The following CMIP variants were observed in gnomAD, a reference collection of about 807,000 sequenced individuals.
The protein encoded by CMIP is C-Maf-inducing protein.
A neutral mutation model predicts 97.3 loss-of-function variants in CMIP; 13 were observed. The observed-to-expected ratio is 0.13, with a 90% CI of 0.09 to 0.21. The LOEUF is 0.21. Ranked by LOEUF, CMIP falls within the 10% of genes least tolerant of loss-of-function variation. The pLI, the probability that CMIP is intolerant of heterozygous loss-of-function variation, is 1.00. For missense variants in CMIP, 847 were observed against 1,024.9 expected (o/e 0.83, Z 2.37); for synonymous variants, 538 against 436.3 (o/e 1.23, Z -2.91).
intron 1 of CMIP, among the ~76,000 whole-genome samples, chr16:81,600,735 T>C (rs2091643722): frequency 6.6e-6 from 1 of 152,238 alleles, no homozygotes; most frequent in Non-Finnish European, 1.5e-5. Flanking sequence ...TGGTTAGTTT[T>C]ACGTTCTGTG....
intron 2 of CMIP, among the ~76,000 whole-genome samples, chr16:81,609,521 G>C (rs538330816): frequency 1.6e-4 from 25 of 152,346 alleles, no homozygotes; most frequent in Admixed American, 1.6e-3. Context: ...GGCCCCATGC[G>C]TGAAGAGCCC....
At chr16:81,563,573 G>A (rs1029072180) in intron 1 of CMIP, among the ~76,000 whole-genome samples, 2 of 152,188 alleles carry the variant, frequency 1.3e-5, no homozygotes, top group African/African-American at 4.8e-5. Flanking sequence ...GGCGATACAT[G>A]TGCACATTAA....
intron 1 of CMIP, among the ~76,000 whole-genome samples, chr16:81,456,247 G>T (rs1438139674): frequency 6.6e-6 from 1 of 152,220 alleles, no homozygotes; most frequent in East Asian, 1.9e-4. Context: ...GGACCGCGGG[G>T]TAATCATGAC....
chr16:81,626,457 G>A (rs1171426033), intron 3 of CMIP, among the ~76,000 whole-genome samples: 2 of 149,728 alleles, frequency 1.3e-5, no homozygotes, highest in African/African-American at 2.5e-5. Flanking sequence ...ATGAGTGTGT[G>A]TGTGTATGTG....
At chr16:81,674,117 T>A (rs1418340545) in intron 9 of CMIP, among the ~76,000 whole-genome samples, 1 of 152,124 alleles carries the variant, frequency 6.6e-6, no homozygotes, top group Non-Finnish European at 1.5e-5. Context: ...CAGGTCCCGA[T>A]GTTCAAAGGG....
intron 2 of CMIP, among the ~76,000 whole-genome samples, chr16:81,608,195 G>A (rs1000137323): frequency 2.0e-5 from 3 of 152,198 alleles, no homozygotes; most frequent in African/African-American, 7.2e-5. Flanking sequence ...CAGGACGTTT[G>A]GTTGGAAATG....
At chr16:81,551,919 C>T (rs2090666052) in intron 1 of CMIP, among the ~76,000 whole-genome samples, 1 of 152,250 alleles carries the variant, frequency 6.6e-6, no homozygotes, top group Non-Finnish European at 1.5e-5. Context: ...GGACTTGAAA[C>T]AACTTTGTTC....
rs34171718 is a variant in CMIP, at chr16:81,663,299, T to TAA, written c.745-960_745-959dup. The stretch of plus-strand genomic sequence containing the variant: ...GTAACAATGCAGTGTTATTCAGCAC[T>TAA]AAAAAAAAAAACGAGCTAGCAGACC... On this transcript the variant is annotated intron_variant, in intron 6 of 20. Transcript: ENST00000537098. 1.2e-3 allele frequency among the ~76,000 whole-genome samples: 179 copies of TAA among 144,440 alleles called. 1 individual carries two copies. The highest frequency in any genetic ancestry group is 3.9e-3 in the South Asian group (18 of 4,626). 94.8% of individuals were successfully genotyped at this position (144,440 alleles called of 152,430 possible).
chr16:81,601,386 C>T (rs890957036), intron 1 of CMIP, among the ~76,000 whole-genome samples: 1 of 152,006 alleles, frequency 6.6e-6, no homozygotes, highest in Non-Finnish European at 1.5e-5. Flanking sequence ...GTGTCTTCTG[C>T]CAGCATCGGG....
At chr16:81,593,529 C>A (rs548053253) in intron 1 of CMIP, among the ~76,000 whole-genome samples, 1 of 152,342 alleles carries the variant, frequency 6.6e-6, no homozygotes, top group Admixed American at 6.5e-5. Context: ...GACTCCAAGC[C>A]GGAGCTTTCC....
intron 17 of CMIP, 65 bp from the exon 18 acceptor site, chr16:81,703,874 A>G: frequency 6.5e-7 from 1 of 1,529,582 alleles, no homozygotes; most frequent in Non-Finnish European, 8.7e-7. Flanking sequence ...GATAGGGGAT[A>G]GGAGGGCTCA....
chr16:81,565,399 C>T (rs955349840), intron 1 of CMIP, among the ~76,000 whole-genome samples: 6 of 152,202 alleles, frequency 3.9e-5, no homozygotes, highest in Admixed American at 6.5e-5. Flanking sequence ...GAGCCTGCGG[C>T]ACCTTCATCC....
Position 81,618,301 on chromosome 16 carries a change from G to A in CMIP, c.427-2575G>A, listed in dbSNP as rs540676955. ...GGCTGTCCGCATTCCTTGGCTCATG[G>A]CCACATCACTCTGACCTCTGCTTTA... On this transcript the variant is annotated intron_variant, in intron 2 of 20. Transcript: ENST00000537098. Among the ~76,000 whole-genome samples, 17 of 152,198 alleles carry A rather than the reference G, an allele frequency of 1.1e-4. No homozygotes were observed. In the South Asian group the frequency reaches 3.3e-3, roughly 30 times the overall value.
Position 81,497,636 on chromosome 16 carries a change from T to C in CMIP, c.300+52095T>C, listed in dbSNP as rs543985401. ...TCGGCAGACTGGCTCTCCGAGGGTG[T>C]CTGGGCCTGGGCAGCCGAGGTCTTG... On this transcript the variant is annotated intron_variant, in intron 1 of 20. Transcript: ENST00000537098. Among the ~76,000 whole-genome samples, 7 of 152,328 alleles carry C rather than the reference T, an allele frequency of 4.6e-5. No individual in the cohort carries two copies. The South Asian group carries it at 1.4e-3, about 32-fold the overall frequency.
chr16:81,571,577 TC>T (rs1204938297), intron 1 of CMIP, among the ~76,000 whole-genome samples: 1 of 113,972 alleles, frequency 8.8e-6, no homozygotes, highest in Non-Finnish European at 1.6e-5. Context: ...TAGTGAGATC[TC>T]ATCTCTACCA....
intron 4 of CMIP, among the ~76,000 whole-genome samples, chr16:81,654,063 C>G (rs975639391): frequency 6.6e-6 from 1 of 152,174 alleles, no homozygotes; most frequent in African/African-American, 2.4e-5. Context: ...AACTTGGCCA[C>G]CACTTCAGCG....
At chr16:81,636,652 C>T (rs1039835725) in intron 3 of CMIP, among the ~76,000 whole-genome samples, 21 of 151,886 alleles carry the variant, frequency 1.4e-4, no homozygotes, top group Non-Finnish European at 2.5e-4. Flanking sequence ...ACAATATCAC[C>T]GTCATGATTC....
chr16:81,696,232 T>A (rs1419358060), intron 13 of CMIP: 1 of 409,428 alleles, frequency 2.4e-6, no homozygotes, highest in African/African-American at 2.1e-5. Flanking sequence ...AGGGGCTGAT[T>A]GTGGGCGGTT....
chr16:81,575,644 A>G (rs1161979063), intron 1 of CMIP, among the ~76,000 whole-genome samples: 1 of 152,156 alleles, frequency 6.6e-6, no homozygotes, highest in Non-Finnish European at 1.5e-5. Flanking sequence ...TCCTCTGGGG[A>G]TGCTCCAGTT....
Sources: allele counts gnomAD v4.1 joint callset (sites outside exome capture counted in the v4.1 genomes callset), GRCh38; gene constraint gnomAD v4.1.1; transcripts MANE v1.5; gene names NCBI Gene and HGNC (gene_info 2026-07-23, HGNC 2026-07-21).